MAPK8IP3: variants seen among roughly 807,000 people sequenced by gnomAD.
MAPK8IP3 encodes mitogen-activated protein kinase 8 interacting protein 3.
In MAPK8IP3, 49 loss-of-function variants were observed where a neutral mutation model predicts 157.8. The observed-to-expected ratio is 0.31, with a 90% CI of 0.25 to 0.39. The LOEUF (loss-of-function observed/expected upper bound fraction) is 0.39. MAPK8IP3 is among the 10% of genes least tolerant of loss of function. The pLI is 1.00. For missense variants in MAPK8IP3, 1,478 were observed against 1,889.4 expected, an observed-to-expected ratio of 0.78 and a Z score of 4.04; for synonymous variants, 897 against 777.7, an observed-to-expected ratio of 1.15 and a Z score of -2.55.
In MAPK8IP3 at chr16:1,706,262, T is replaced by A; in HGVS notation, c.-78T>A. The A allele has an allele frequency of 1.5e-6, 2 of 1,338,998 alleles. No individual in the cohort carries two copies. The highest frequency in any genetic ancestry group is 1.9e-6 in the Non-Finnish European group (2 of 1,027,846). 82.9% of individuals were successfully genotyped at this position (1,338,998 alleles called of 1,614,324 possible). On this transcript the variant is annotated 5_prime_UTR_variant, in exon 1 of 32. Coordinates refer to ENST00000610761, the MANE Select transcript of MAPK8IP3 (RefSeq NM_001318852.2). This position sits in a 1 kb window ranked among gnomAD's most constrained non-coding sequence, Gnocchi z 5.1. ...CTGCGGGAGGCGACGGGCTGCGGCCTGCGGAACCTGAGGCAGCTGGGGAGG... is the reference window on the plus strand; with the variant it reads ...CTGCGGGAGGCGACGGGCTGCGGCCAGCGGAACCTGAGGCAGCTGGGGAGG...
chr16:1,738,614 G>A (rs1351244031), intron 4 of MAPK8IP3, among the ~76,000 whole-genome samples: 12 of 136,662 alleles, frequency 8.8e-5, no homozygotes, highest in Middle Eastern at 5.0e-3. Flanking sequence ...GTGACCGTCC[G>A]TGTGAGCATC....
chr16:1,747,108 C>A lies in MAPK8IP3; in HGVS notation c.827C>A (p.Thr276Lys), dbSNP rs766235956. The A allele has an allele frequency of 6.2e-7, 1 of 1,613,926 alleles. No homozygotes were observed. The highest frequency in any genetic ancestry group is 8.5e-7 in the Non-Finnish European group (1 of 1,179,916). Residue 276 changes from threonine to lysine, a missense_variant, in exon 6 of 32, where the codon ACG becomes AAG. Physicochemically the swap from Thr to Lys is moderately conservative, Grantham distance 78. This residue lies in a region of MAPK8IP3 where 315 missense variants were observed against 394.4 expected (regional missense o/e 0.80). Transcript: ENST00000610761. ...AGCACCACAGGCACCAAGTCCAACA[C>A]GCCCACATCCTCCGTGCCCTCGGCC... Reference protein sequence around the residue: ...TPSTTGTKSNTPTSSVPSAAV... With the variant: ...TPSTTGTKSNKPTSSVPSAAV...
chr16:1,739,554 CTG>C (rs1567173099), intron 4 of MAPK8IP3, among the ~76,000 whole-genome samples: 3 of 93,202 alleles, frequency 3.2e-5, no homozygotes, highest in Admixed American at 1.3e-4. Flanking sequence ...GTGTGAGCAT[CTG>C]TGTGACCGTT....
rs1025434555 is a variant in MAPK8IP3 at position 1,742,294 on chromosome 16, C to G, written c.603-1038C>G. ...CATCCCTGCTCTTGCTTATGGCCCA[C>G]AGGAGGTCATCCCTAGGGACTGAGC... On this transcript the variant is annotated intron_variant, in intron 4 of 31. Coordinates refer to ENST00000610761, the MANE Select transcript of MAPK8IP3 (RefSeq NM_001318852.2). This position sits in a 1 kb window ranked among gnomAD's most constrained non-coding sequence, Gnocchi z 5.0. Among the ~76,000 whole-genome samples the G allele has an allele frequency of 6.6e-6, 1 of 152,148 alleles. No homozygotes were observed. Among genetic ancestry groups the G allele is most frequent in the African/African-American group, 2.4e-5 (1 of 41,412 alleles).
intron 1 of MAPK8IP3, among the ~76,000 whole-genome samples, chr16:1,708,941 TCTAGGCAGGGACTTGTGATCACATAGA>T (rs1406769138): frequency 6.6e-6 from 1 of 152,190 alleles, no homozygotes; most frequent in Non-Finnish European, 1.5e-5. Context: ...CGGCGTCTTT[TCTAGGCAGGGACTTGTGATCACATAGA>T]CGTGTGTCTG....
At position 1,726,241 on chromosome 16, in the gene MAPK8IP3, AAACC is replaced by A. The variant is rs1327404547; in HGVS notation, c.439+1565_439+1568del. Reference sequence around the variant, plus strand: ...CACACTGGCATTCACAATGCAAAGCAAACCTAAGACCCGTGCTGAGCATACCTAG... The same window carrying A: ...CACACTGGCATTCACAATGCAAAGCATAAGACCCGTGCTGAGCATACCTAG... On this transcript the variant is annotated intron_variant, in intron 2 of 31. Coordinates refer to ENST00000610761, the MANE Select transcript of MAPK8IP3 (RefSeq NM_001318852.2). 2.6e-5 allele frequency among the ~76,000 whole-genome samples: 4 copies of A among 152,350 alleles called. No individual in the cohort carries two copies. In the East Asian group the frequency reaches 7.7e-4, roughly 29 times the overall value.
chr16:1,760,572 C>T (rs373157846), intron 12 of MAPK8IP3, 40 bp downstream of exon 12: 48 of 1,586,604 alleles, frequency 3.0e-5, no homozygotes, highest in Non-Finnish European at 3.9e-5. Flanking sequence ...AGAGGGACCC[C>T]GGCCTCAGGG....
chr16:1,733,023 C>T (rs1015062493), intron 4 of MAPK8IP3, among the ~76,000 whole-genome samples: 2 of 152,266 alleles, frequency 1.3e-5, no homozygotes, highest in Non-Finnish European at 2.9e-5. Flanking sequence ...ACATCCTCAC[C>T]TCTGGCTCTC....
chr16:1,728,729 C>T (rs1179955485), intron 2 of MAPK8IP3, among the ~76,000 whole-genome samples: 1 of 142,724 alleles, frequency 7.0e-6, no homozygotes, highest in Non-Finnish European at 1.5e-5. Context: ...GTTCTCCCCT[C>T]GCACAACGCA....
Position 1,765,940 on chromosome 16 carries a change from C to T in MAPK8IP3, c.2447-20C>T, listed in dbSNP as rs369943250. On this transcript the variant is annotated intron_variant, in intron 20 of 31. Transcript: ENST00000610761. ...TAGTGGGTTCCCCCGCACAGGCTGACGGGCCGTCCCTCTCCCCAGCGGCCA... is the reference window on the plus strand; with the variant it reads ...TAGTGGGTTCCCCCGCACAGGCTGATGGGCCGTCCCTCTCCCCAGCGGCCA... 9.1e-5 allele frequency: 145 copies of T among 1,597,014 alleles called. 1 individual carries two copies. In the African/African-American group the frequency reaches 1.6e-3, roughly 18 times the overall value.
At position 1,762,458 on chromosome 16, in the gene MAPK8IP3, T is replaced by C. The variant is rs773254657; in HGVS notation, c.1647T>C (p.Ala549=). The C allele has an allele frequency of 1.2e-6, 2 of 1,610,656 alleles. No homozygotes were observed. Among genetic ancestry groups the C allele is most frequent in the Admixed American group, 1.7e-5 (1 of 59,580 alleles). ...AGCGGCTGATGGAGCTGCAGGAGGCTGTGCGGTGGACTGAGATGATCAGGT... is the reference window on the plus strand; with the variant it reads ...AGCGGCTGATGGAGCTGCAGGAGGCCGTGCGGTGGACTGAGATGATCAGGT... ...YKERLMELQE[A]VRWTEMIRAS... Residue 549 remains alanine, a synonymous_variant, in exon 14 of 32, where the codon GCT becomes GCC. Coordinates refer to ENST00000610761, the MANE Select transcript of MAPK8IP3 (RefSeq NM_001318852.2).
intron 4 of MAPK8IP3, among the ~76,000 whole-genome samples, chr16:1,737,094 G>C (rs2039991045): frequency 1.1e-5 from 1 of 94,840 alleles, no homozygotes; most frequent in Non-Finnish European, 2.1e-5. Flanking sequence ...CCGTGTGAGT[G>C]TGACCATCCA....
At chr16:1,732,899 C>T (rs976252794) in intron 4 of MAPK8IP3, among the ~76,000 whole-genome samples, 5 of 152,240 alleles carry the variant, frequency 3.3e-5, no homozygotes, top group South Asian at 2.1e-4. Context: ...AGAACTACAC[C>T]GGGGCGTGTG....
At chr16:1,735,725 GT>G (rs2039690000) in intron 4 of MAPK8IP3, among the ~76,000 whole-genome samples, 1 of 138,842 alleles carries the variant, frequency 7.2e-6, no homozygotes, top group African/African-American at 2.8e-5. Flanking sequence ...CCGTGTGACC[GT>G]CCATGTGAGA....
rs2039141058 is a variant in MAPK8IP3, at chr16:1,729,483, G to A, written c.511-4G>A. On this transcript the variant is annotated splice_polypyrimidine_tract_variant and splice_region_variant and intron_variant, in intron 3 of 31. Transcript: ENST00000610761. ...CGCTAATGCAGGCGTTTCCCTCCTC[G>A]CAGATGATACAGACCTACGTGGAGC... 6.2e-7 allele frequency: 1 copy of A among 1,612,172 alleles called. No homozygotes were observed. Among genetic ancestry groups the A allele is most frequent in the Non-Finnish European group, 8.5e-7 (1 of 1,179,276 alleles).
At chr16:1,755,155 A>G (rs892875075) in intron 8 of MAPK8IP3, among the ~76,000 whole-genome samples, 3 of 152,224 alleles carry the variant, frequency 2.0e-5, no homozygotes, top group Non-Finnish European at 4.4e-5. Flanking sequence ...CGAGCTCATG[A>G]GCTCAGGGCC....
chr16:1,731,875 G>A (rs1198842173), intron 4 of MAPK8IP3, among the ~76,000 whole-genome samples: 3 of 152,206 alleles, frequency 2.0e-5, no homozygotes, highest in African/African-American at 7.2e-5. Context: ...CAAATACTGT[G>A]TGGATGAGCC....
intron 4 of MAPK8IP3, among the ~76,000 whole-genome samples, chr16:1,740,276 G>T (rs1239051820): frequency 6.7e-6 from 1 of 148,892 alleles, no homozygotes. Flanking sequence ...GACCGTCCGT[G>T]TGAGTGTCCG....
intron 5 of MAPK8IP3, chr16:1,745,209 A>G: frequency 1.0e-6 from 1 of 984,026 alleles, no homozygotes; most frequent in Non-Finnish European, 1.2e-6. Flanking sequence ...CGCAGCCACC[A>G]TGAGGGTCAG....
Sources: allele counts gnomAD v4.1 joint callset (sites outside exome capture counted in the v4.1 genomes callset), GRCh38; gene constraint gnomAD v4.1.1; regional missense constraint gnomAD v4.1.1; non-coding constraint Gnocchi (gnomAD v3.1); transcripts MANE v1.5; gene names NCBI Gene and HGNC (gene_info 2026-07-23, HGNC 2026-07-21).